Variants in IYD observed in about 807,000 individuals in gnomAD.
IYD encodes iodotyrosine deiodinase 1.
A neutral mutation model predicts 28.4 loss-of-function variants in IYD; 25 were observed. The ratio of observed to expected loss-of-function variants is 0.88; its 90% CI spans 0.64 to 1.23. IYD has a LOEUF of 1.23. Ranked by LOEUF, IYD falls within the 50% of genes most tolerant of loss-of-function variation. The pLI, the probability that IYD is intolerant of heterozygous loss-of-function variation, is 0.00. For missense variants in IYD, 352 were observed against 357.9 expected (o/e 0.98, Z 0.13); for synonymous variants, 140 against 130.8 (o/e 1.07, Z -0.48).
In IYD at chr6:150,372,679, A is replaced by G. The variant is rs9397931; in HGVS notation, c.178+3470A>G. On this transcript the variant is annotated intron_variant, in intron 1 of 4. Coordinates refer to ENST00000344419, the MANE Select transcript of IYD (RefSeq NM_203395.3). ...GAGGGAACATTGTGTGTCCATGCTT[A>G]TTAGACATGTGTGTGTGGGGGTGTG... Among the ~76,000 whole-genome samples, 95 of 90,626 alleles carry G rather than the reference A, an allele frequency of 1.0e-3. 1 individual carries two copies. Among genetic ancestry groups the G allele is most frequent in the African/African-American group, 2.2e-3 (41 of 18,862 alleles). The allele number at this position is 90,626 out of a possible 152,430, so 59.5% of individuals were successfully genotyped here. A position where few individuals can be genotyped will look rare whatever the true frequency, so the allele number is the denominator to read the frequency against.
rs1472000463 is a variant in IYD, at chr6:150,401,191, A to G, written c.*2954A>G. ...ATTTAAATAAGCATTTCTTTCAGTCATATAAGTAATTTGCCTAAAAATGCC... is the reference window on the plus strand; with the variant it reads ...ATTTAAATAAGCATTTCTTTCAGTCGTATAAGTAATTTGCCTAAAAATGCC... On this transcript the variant is annotated 3_prime_UTR_variant, in exon 5 of 5. Transcript: ENST00000344419. The G allele has an allele frequency of 1.3e-5, 2 of 152,344 alleles. No individual in the cohort carries two copies. Among genetic ancestry groups the G allele is most frequent in the East Asian group, 1.9e-4 (1 of 5,194 alleles). 9.4% of individuals were successfully genotyped at this position (152,344 alleles called of 1,614,324 possible). A position where few individuals can be genotyped will look rare whatever the true frequency, so the allele number is the denominator to read the frequency against.
intron 1 of IYD, among the ~76,000 whole-genome samples, chr6:150,377,825 T>A (rs1391327803): frequency 6.6e-6 from 1 of 152,206 alleles, no homozygotes; most frequent in African/African-American, 2.4e-5. Context: ...AAAAGTATCA[T>A]TGGTGTTGAA....
chr6:150,392,696 T>C (rs568882527), intron 3 of IYD, among the ~76,000 whole-genome samples, 192 bp downstream of exon 3: 1 of 152,336 alleles, frequency 6.6e-6, no homozygotes, highest in African/African-American at 2.4e-5. Context: ...AGGCTCTGAC[T>C]CAATTATTTG....
At chr6:150,396,399 A>G (rs1160005102) in intron 4 of IYD, 2 of 644,734 alleles carry the variant, frequency 3.1e-6, no homozygotes, top group Non-Finnish European at 5.5e-6. Flanking sequence ...AAGATAAAAT[A>G]ATAATAGAAG....
At chr6:150,374,692 T>C (rs142686652) in intron 1 of IYD, among the ~76,000 whole-genome samples, 1,903 of 152,292 alleles carry the variant, frequency 0.012, 63 homozygotes, top group East Asian at 0.079. Context: ...CACATGGGAA[T>C]TATGGGAGCT....
intron 1 of IYD, among the ~76,000 whole-genome samples, chr6:150,388,665 T>TTCTTTCTTTCTTTCTTTCTTTCTTTCTC (rs1562317728): frequency 7.5e-5 from 11 of 146,454 alleles, no homozygotes; most frequent in African/African-American, 2.8e-4. Context: ...CTTTCTTTCT[T>TTCTTTCTTTCTTTCTTTCTTTCTTTCTC]TCTTTCTTTC....
At chr6:150,382,572 T>G (rs913703465) in intron 1 of IYD, among the ~76,000 whole-genome samples, 5 of 109,676 alleles carry the variant, frequency 4.6e-5, no homozygotes, top group Non-Finnish European at 7.8e-5. Flanking sequence ...TCTTCTCCTT[T>G]CAGGACTCCA....
chr6:150,378,327 C>T (rs1342097416), intron 1 of IYD, among the ~76,000 whole-genome samples: 1 of 150,668 alleles, frequency 6.6e-6, no homozygotes, highest in African/African-American at 2.5e-5. Flanking sequence ...GATCCCTCCC[C>T]GCTCCCCCCA....
chr6:150,382,021 T>A (rs1285736842), intron 1 of IYD, among the ~76,000 whole-genome samples: 1 of 152,208 alleles, frequency 6.6e-6, no homozygotes, highest in Admixed American at 6.5e-5. Flanking sequence ...GTGAAGGGCC[T>A]GATGATGTAC....
At chr6:150,370,220 C>CTTGCGTGT (rs374196593) in intron 1 of IYD, among the ~76,000 whole-genome samples, 92 of 145,096 alleles carry the variant, frequency 6.3e-4, no homozygotes, top group African/African-American at 2.4e-3. Context: ...TGTGTGTGCG[C>CTTGCGTGT]GTGCGTGTGT....
chr6:150,390,979 C>T (rs1042358910), intron 2 of IYD, among the ~76,000 whole-genome samples: 4 of 152,154 alleles, frequency 2.6e-5, no homozygotes. Context: ...TGGTTCACAC[C>T]TGTAATCCCA....
At chr6:150,388,337 T>A (rs1225452672) in intron 1 of IYD, among the ~76,000 whole-genome samples, 1 of 152,204 alleles carries the variant, frequency 6.6e-6, no homozygotes, top group Non-Finnish European at 1.5e-5. Flanking sequence ...AAAAATGGAA[T>A]TCAAATGTGT....
chr6:150,385,520 T>C lies in IYD; in HGVS notation c.179-3832T>C, dbSNP rs938747240. On this transcript the variant is annotated intron_variant, in intron 1 of 4. Transcript: ENST00000344419. ...AAAAAAAAAGATTGTTTTTCTAATG[T>C]TAAATTAACCTCATATTCCTGGGAT... Among the ~76,000 whole-genome samples the C allele has an allele frequency of 2.6e-5, 4 of 152,238 alleles. No homozygotes were observed. In the South Asian group the frequency reaches 8.3e-4, roughly 32 times the overall value.
chr6:150,379,195 T>C (rs1443650354), intron 1 of IYD, among the ~76,000 whole-genome samples: 2 of 152,160 alleles, frequency 1.3e-5, no homozygotes, highest in Admixed American at 1.3e-4. Flanking sequence ...TGATTCCTGG[T>C]TCCTCCCTCT....
At chr6:150,378,216 A>C (rs528203047) in intron 1 of IYD, among the ~76,000 whole-genome samples, 2 of 151,258 alleles carry the variant, frequency 1.3e-5, no homozygotes, top group Non-Finnish European at 2.9e-5. Context: ...TTTAGGGTAC[A>C]TGTGCACAAT....
intron 1 of IYD, among the ~76,000 whole-genome samples, chr6:150,378,499 G>A (rs1777531996): frequency 6.6e-6 from 1 of 152,140 alleles, no homozygotes; most frequent in Non-Finnish European, 1.5e-5. Context: ...TCCCTACAAA[G>A]GACATGAACT....
intron 4 of IYD, chr6:150,396,791 G>A (rs555669420): frequency 3.8e-4 from 70 of 183,684 alleles, no homozygotes; most frequent in African/African-American, 1.6e-3. Context: ...GGAGAATGGC[G>A]TGAACCTGGG....
At chr6:150,397,835 C>T (rs963074673) in intron 4 of IYD, among the ~76,000 whole-genome samples, 4 of 139,260 alleles carry the variant, frequency 2.9e-5, no homozygotes, top group African/African-American at 8.2e-5. Context: ...CTTCCAAAAG[C>T]TTGCCACTGC....
Position 150,392,401 on chromosome 6 carries a change from C to A in IYD, c.427C>A (p.Pro143Thr), listed in dbSNP as rs140539511. 4 of 1,613,672 alleles carry A rather than the reference C, an allele frequency of 2.5e-6. No homozygotes were observed. The African/African-American group carries it at 5.3e-5, about 22-fold the overall frequency. The change falls in exon 3 of 5, where the codon CCA becomes ACA. Residue 143 changes from proline to threonine, a missense_variant. Physicochemically the swap from Pro to Thr is conservative, Grantham distance 38. Coordinates refer to ENST00000344419, the MANE Select transcript of IYD (RefSeq NM_203395.3). The part of the protein sequence containing the change: ...EPWTFVVVKD[P>T]DVKHKIRKII... Reference sequence around the variant, plus strand: ...CTGGACCTTCGTGGTTGTGAAGGACCCAGACGTGAAGCACAAGATTCGAAA... The same window carrying A: ...CTGGACCTTCGTGGTTGTGAAGGACACAGACGTGAAGCACAAGATTCGAAA...
Sources: gnomAD v4.1 joint callset for allele counts (sites outside exome capture counted in the v4.1 genomes callset) on GRCh38, gnomAD v4.1.1 for gene constraint, MANE v1.5 for transcripts, NCBI Gene and HGNC (gene_info 2026-07-23, HGNC 2026-07-21) for gene names.